The following SIDT1 variants were observed in gnomAD, a reference collection of about 807,000 sequenced individuals.
SIDT1 encodes SID1 transmembrane family, member 1.
Under a neutral mutation model 107.5 loss-of-function variants are expected in SIDT1, and 101 were observed. That is an observed-to-expected ratio of 0.94 (90% CI 0.80 to 1.11). The LOEUF is 1.11. Among genes scored for constraint, SIDT1 ranks in the 50% least tolerant of loss-of-function variants. SIDT1 has a pLI of 0.00. For missense variants in SIDT1, 1,076 were observed against 1,058.2 expected, an observed-to-expected ratio of 1.02 and a Z score of -0.23; for synonymous variants, 395 against 398.2, an observed-to-expected ratio of 0.99 and a Z score of 0.10.
intron 19 of SIDT1, chr3:113,615,189 C>A: frequency 2.6e-6 from 3 of 1,165,906 alleles, no homozygotes; most frequent in South Asian, 2.6e-5. Flanking sequence ...GCCGGGCAGA[C>A]TCCGTGGGAG....
chr3:113,583,595 G>T (rs1420254362), intron 7 of SIDT1, 99 bp downstream of exon 7: 5 of 823,374 alleles, frequency 6.1e-6, no homozygotes, highest in Non-Finnish European at 7.4e-6. Flanking sequence ...CTAAACAAGG[G>T]TTGGTTCCAT....
intron 11 of SIDT1, chr3:113,601,871 C>A: frequency 2.1e-6 from 1 of 483,616 alleles, no homozygotes; most frequent in Non-Finnish European, 3.7e-6. Context: ...CTTGGATCTG[C>A]TAGCCCCACT....
Position 113,623,398 on chromosome 3 carries a change from G to A in SIDT1, c.2091-29G>A, listed in dbSNP as rs376373725. On this transcript the variant is annotated intron_variant, in intron 21 of 24. Transcript: ENST00000264852. ...AATAGTGTTACAAATCCACCTTCACGGCTGCCCACATTTCTCCCACGCCTG... is the reference window on the plus strand; with the variant it reads ...AATAGTGTTACAAATCCACCTTCACAGCTGCCCACATTTCTCCCACGCCTG... The A allele has an allele frequency of 7.5e-6, 11 of 1,470,556 alleles. No homozygotes were observed. The African/African-American group carries it at 8.4e-5, about 11-fold the overall frequency. 91.1% of individuals were successfully genotyped at this position (1,470,556 alleles called of 1,614,324 possible).
chr3:113,583,606 C>A, intron 7 of SIDT1, 110 bp downstream of exon 7: 1 of 677,144 alleles, frequency 1.5e-6, no homozygotes, highest in Non-Finnish European at 2.4e-6. Flanking sequence ...TTGGTTCCAT[C>A]ATCATGATGG....
At chr3:113,619,842 C>T (rs1222971432) in intron 21 of SIDT1, 116 bp downstream of exon 21, 2 of 949,068 alleles carry the variant, frequency 2.1e-6, no homozygotes, top group Non-Finnish European at 1.7e-6. Context: ...GAAGGTAGGA[C>T]TGCTTGTTCT....
In SIDT1 at chr3:113,585,525, G is replaced by T. The variant is rs115270137; in HGVS notation, c.1001+255G>T. Among the ~76,000 whole-genome samples, 1,109 of 152,096 alleles carry T rather than the reference G, an allele frequency of 7.3e-3. 16 individuals are homozygous for T. The highest frequency in any genetic ancestry group is 0.025 in the African/African-American group (1,028 of 41,486). On this transcript the variant is annotated intron_variant, in intron 9 of 24. Transcript: ENST00000264852. ...TTATATCAATAACACACACATAATAGGTGCTGGTAGAGTGTTATTTTCATA... is the reference window on the plus strand; with the variant it reads ...TTATATCAATAACACACACATAATATGTGCTGGTAGAGTGTTATTTTCATA...
intron 1 of SIDT1, among the ~76,000 whole-genome samples, chr3:113,545,393 A>G (rs59532653): frequency 0.039 from 5,869 of 152,268 alleles, 208 homozygotes; most frequent in African/African-American, 0.095. Flanking sequence ...GCATGGGCAT[A>G]TAGATTCTTA....
chr3:113,618,539 C>A (rs1457876426), intron 20 of SIDT1, among the ~76,000 whole-genome samples: 2 of 152,216 alleles, frequency 1.3e-5, no homozygotes, highest in Admixed American at 1.3e-4. Context: ...GCATTCCCAC[C>A]AGCAATGAGT....
rs771678733 is a variant in SIDT1, at chr3:113,533,120, G to A, written c.99G>A (p.Pro33=). The change falls in exon 1 of 25, where the codon CCG becomes CCA. Residue 33 remains proline, a synonymous_variant. Transcript: ENST00000264852. Reference sequence around the variant, plus strand: ...CGGCGAAATCCCCCAGGCAGCCCCCGGCACCGCGCCGCGACCCCTTCGACG... The same window carrying A: ...CGGCGAAATCCCCCAGGCAGCCCCCAGCACCGCGCCGCGACCCCTTCGACG... The part of the protein sequence containing the change: ...GHPAKSPRQP[P]APRRDPFDAA... 1.3e-5 allele frequency: 20 copies of A among 1,553,782 alleles called. No homozygotes were observed. The South Asian group carries it at 2.3e-4, about 18-fold the overall frequency.
rs376051655 is a variant in SIDT1 at position 113,616,118 on chromosome 3, G to A, written c.1985G>A (p.Arg662Gln). 11 of 1,613,662 alleles carry A rather than the reference G, an allele frequency of 6.8e-6. No individual in the cohort carries two copies. Among genetic ancestry groups the A allele is most frequent in the South Asian group, 4.4e-5 (4 of 91,070 alleles). The change falls in exon 20 of 25, where the codon CGG becomes CAG. Residue 662 changes from arginine to glutamine, a missense_variant. Physicochemically the swap from Arg to Gln is conservative, Grantham distance 43 (BLOSUM62 1). Transcript: ENST00000264852. The part of the protein sequence containing the change: ...RFKIDLGIFR[R>Q]AAMVFYTDCI... ...TCAGCAGATTTGGGAATTTTCCGGC[G>A]GGCTGCCATGGTGTTCTACACAGAC...
At chr3:113,633,899 T>A (rs1438083318), downstream of SIDT1, among the ~76,000 whole-genome samples, 24 of 152,166 alleles carry the variant, frequency 1.6e-4, no homozygotes, top group Non-Finnish European at 3.5e-4. Context: ...GACTACTTAC[T>A]ACAGGCAGAA....
At position 113,608,549 on chromosome 3, in the gene SIDT1, T is replaced by C; in HGVS notation, c.1720+13T>C. 6.6e-7 allele frequency: 1 copy of C among 1,512,446 alleles called. No homozygotes were observed. The highest frequency in any genetic ancestry group is 9.2e-7 in the Non-Finnish European group (1 of 1,087,498). 93.7% of individuals were successfully genotyped at this position (1,512,446 alleles called of 1,614,324 possible). ...AACTTCCAATTCGGTAATTAGAACT[T>C]ATATCTACTATACAGATTTGAATCG... On this transcript the variant is annotated intron_variant, in intron 17 of 24. Coordinates refer to ENST00000264852, the MANE Select transcript of SIDT1 (RefSeq NM_017699.3).
At chr3:113,636,368 A>G in the SIDT1 span, among the ~76,000 whole-genome samples, 3 of 152,210 alleles carry the variant, frequency 2.0e-5, no homozygotes, top group African/African-American at 4.8e-5. Context: ...GCACCACTGC[A>G]CTACAGCCTG....
chr3:113,549,151 C>T (rs1270808869), intron 1 of SIDT1, among the ~76,000 whole-genome samples: 1 of 152,110 alleles, frequency 6.6e-6, no homozygotes, highest in Non-Finnish European at 1.5e-5. Context: ...TTATCCATTC[C>T]TCTATTGAAG....
At position 113,602,907 on chromosome 3, in the gene SIDT1, T is replaced by A. The variant is rs1215720142; in HGVS notation, c.1118-98T>A. ...GAAGTTCATTTGGATCAACACAGCATTTCCTAGAATGAGTCTGCACTGTGC... is the reference window on the plus strand; with the variant it reads ...GAAGTTCATTTGGATCAACACAGCAATTCCTAGAATGAGTCTGCACTGTGC... On this transcript the variant is annotated intron_variant, in intron 11 of 24. Coordinates refer to ENST00000264852, the MANE Select transcript of SIDT1 (RefSeq NM_017699.3). 22 of 1,290,902 alleles carry A rather than the reference T, an allele frequency of 1.7e-5. No homozygotes were observed. The East Asian group carries it at 5.1e-4, about 30-fold the overall frequency. 80.0% of individuals were successfully genotyped at this position (1,290,902 alleles called of 1,614,324 possible).
chr3:113,581,446 T>C lies in SIDT1; in HGVS notation c.747+2T>C, dbSNP rs777217093. On this transcript the variant is annotated splice_donor_variant, in intron 6 of 24. Transcript: ENST00000264852. LOFTEE classifies it high-confidence loss of function. ...AAGAAAGCTGCCATCACGCTACAGGTGAGGCATTGCTTCTGTGGGCATTAT... is the reference window on the plus strand; with the variant it reads ...AAGAAAGCTGCCATCACGCTACAGGCGAGGCATTGCTTCTGTGGGCATTAT... 2.5e-5 allele frequency: 40 copies of C among 1,609,710 alleles called. 1 individual carries two copies. Among genetic ancestry groups the C allele is most frequent in the Non-Finnish European group, 2.4e-5 (28 of 1,176,106 alleles).
At chr3:113,608,363 A>T in intron 16 of SIDT1, 56 bp from the exon 17 acceptor site, 2 of 1,526,736 alleles carry the variant, frequency 1.3e-6, no homozygotes, top group Non-Finnish European at 1.8e-6. Flanking sequence ...CAGATTAGTG[A>T]CTTGGTGGAT....
At chr3:113,537,554 C>T (rs67512681) in intron 1 of SIDT1, among the ~76,000 whole-genome samples, 5,936 of 152,330 alleles carry the variant, frequency 0.039, 218 homozygotes, top group African/African-American at 0.097. Flanking sequence ...CCTCCCACAT[C>T]CTTTTGCTGA....
downstream of SIDT1, among the ~76,000 whole-genome samples, chr3:113,629,837 C>T (rs114640779): frequency 3.6e-4 from 55 of 152,336 alleles, no homozygotes; most frequent in African/African-American, 1.3e-3. Context: ...GTGCTACAAA[C>T]GCACACACTG....
Sources: gnomAD v4.1 joint callset for allele counts (sites outside exome capture counted in the v4.1 genomes callset) on GRCh38, gnomAD v4.1.1 for gene constraint, MANE v1.5 for transcripts, NCBI Gene and HGNC (gene_info 2026-07-23, HGNC 2026-07-21) for gene names.